Variants in FKRP observed in about 807,000 individuals in gnomAD.
FKRP encodes the protein fukutin related protein.
A neutral mutation model predicts 30.6 loss-of-function variants in FKRP; 25 were observed. The observed-to-expected ratio is 0.82, with a 90% confidence interval of 0.60 to 1.14. The LOEUF is 1.14. FKRP is among the 50% of genes most tolerant of loss of function. The pLI, the probability that FKRP is intolerant of heterozygous loss-of-function variation, is 0.00. For synonymous variants in FKRP, 358 were observed against 342.5 expected (o/e 1.05, Z -0.50); for missense variants, 771 against 727.8 (o/e 1.06, Z -0.68).
Position 46,746,176 on chromosome 19 carries a change from G to T in FKRP, c.-253+86G>T, listed in dbSNP as rs767225114. The T allele has an allele frequency of 3.3e-6, 5 of 1,536,602 alleles. No individual in the cohort carries two copies. In the East Asian group the frequency reaches 8.1e-5, roughly 25 times the overall value. The stretch of plus-strand genomic sequence containing the variant: ...GTAACTCGGCGCGCTCGGCCTCCCA[G>T]CGGGCTTTCTCGGCTTCGAAGCGCG... On this transcript the variant is annotated intron_variant, in intron 1 of 3. Coordinates refer to ENST00000318584, the MANE Select transcript of FKRP (RefSeq NM_024301.5).
rs794727651 is a variant in FKRP at position 46,756,179 on chromosome 19, G to A, written c.729G>A (p.Ala243=). Residue 243 remains alanine (A), a synonymous_variant, in exon 4 of 4, where the codon GCG becomes GCA. Transcript: ENST00000318584. The surrounding 1 kb of genome is among the most constrained non-coding windows in gnomAD (Gnocchi z 6.6). ...TGCTGGACTTGACCTTCGCCGCGGC[G>A]CGCCAGCCCCCGCTGGCCACGGCCC... The part of the protein sequence containing the change: ...VQLLDLTFAA[A]RQPPLATAHA... The A allele has an allele frequency of 1.4e-6, 2 of 1,442,198 alleles. No individual in the cohort carries two copies. Among genetic ancestry groups the A allele is most frequent in the East Asian group, 3.0e-5 (1 of 33,174 alleles). The allele number at this position is 1,442,198 out of a possible 1,614,324, so 89.3% of individuals were successfully genotyped here.
At chr19:46,755,268 G>A (rs1030219560) in intron 3 of FKRP, 144 bp from the exon 4 acceptor site, 20 of 611,732 alleles carry the variant, frequency 3.3e-5, no homozygotes, top group Admixed American at 1.6e-4. Flanking sequence ...GTGCTTCCTG[G>A]AGAAGGGGAA....
Position 46,755,772 on chromosome 19 carries a change from C to T in FKRP, c.322C>T (p.Leu108=). 6.5e-7 allele frequency: 1 copy of T among 1,532,682 alleles called. No homozygotes were observed. The highest frequency in any genetic ancestry group is 8.7e-7 in the Non-Finnish European group (1 of 1,143,858). 94.9% of individuals were successfully genotyped at this position (1,532,682 alleles called of 1,614,324 possible). A position where few individuals can be genotyped will look rare whatever the true frequency, so the allele number is the denominator to read the frequency against. Residue 108 remains leucine (L), a synonymous_variant, in exon 4 of 4, where the codon CTG becomes TTG. Transcript: ENST00000318584. The part of the protein sequence containing the change: ...NVRLALLQPA[L]DRPAAASRPE... ...GCGTCTGGCGCTGCTCCAGCCCGCC[C>T]TGGACCGGCCAGCCGCAGCCTCGCG...
chr19:46,756,457 C>CGG lies in FKRP; in HGVS notation c.1009_1010dup (p.Val338AlafsTer91). On this transcript the variant is annotated frameshift_variant, in exon 4 of 4. Transcript: ENST00000318584. LOFTEE classifies it high-confidence loss of function. The surrounding 1 kb of genome is among the most constrained non-coding windows in gnomAD (Gnocchi z 6.6). ...TATGTGGTGGGCGTGCTGGAGGCTG[C>CGG]GGGCGTGCGCTACTGGCTCGAGGGC... is the stretch of plus-strand genomic sequence containing the variant. 1 of 1,571,454 alleles carries CGG rather than the reference C, an allele frequency of 6.4e-7. No individual in the cohort carries two copies. Among genetic ancestry groups the CGG allele is most frequent in the Non-Finnish European group, 8.6e-7 (1 of 1,159,230 alleles).
At position 46,756,139 on chromosome 19, in the gene FKRP, G is replaced by A. The variant is rs1599936529; in HGVS notation, c.689G>A (p.Gly230Asp). Residue 230 changes from glycine (G) to aspartate (D), a missense_variant, in exon 4 of 4, where the codon GGC becomes GAC. Physicochemically the swap from Gly to Asp is moderately conservative, Grantham distance 94. Coordinates refer to ENST00000318584, the MANE Select transcript of FKRP (RefSeq NM_024301.5). This position sits in a 1 kb window ranked among gnomAD's most constrained non-coding sequence, Gnocchi z 6.6. ...CTCTTTCTGCAGACCGCCCTTCGCG[G>A]CTGGGCGGTGCAGCTGCTGGACTTG... Reference protein sequence around the residue: ...TSLFLQTALRGWAVQLLDLTF... With the variant: ...TSLFLQTALRDWAVQLLDLTF... 2.7e-6 allele frequency: 4 copies of A among 1,480,528 alleles called. No individual in the cohort carries two copies. Among genetic ancestry groups the A allele is most frequent in the Non-Finnish European group, 3.6e-6 (4 of 1,124,612 alleles). The allele number at this position is 1,480,528 out of a possible 1,614,324, so 91.7% of individuals were successfully genotyped here.
intron 1 of FKRP, chr19:46,747,097 GACAC>G (rs1035759760): frequency 6.6e-6 from 1 of 152,374 alleles, no homozygotes; most frequent in Non-Finnish European, 1.5e-5. Context: ...CAGCCCCAAG[GACAC>G]TGATCTCTAA....
rs1175374378 is a variant in FKRP at position 46,749,723 on chromosome 19, C to CAA, written c.-40+1075_-40+1076dup. 6.4e-3 allele frequency among the ~76,000 whole-genome samples: 401 copies of CAA among 62,436 alleles called. 4 individuals are homozygous for CAA. The highest frequency in any genetic ancestry group is 0.019 in the African/African-American group (351 of 18,310). 41.0% of individuals were successfully genotyped at this position (62,436 alleles called of 152,430 possible). On this transcript the variant is annotated intron_variant, in intron 3 of 3. Transcript: ENST00000318584. ...CTGGTGACAAAGCGAGACTCCGTCT[C>CAA]AAAAAAAAAAAAAAAAAAGAGTCTG...
Position 46,757,281 on chromosome 19 carries a change from A to G in FKRP, c.*343A>G, listed in dbSNP as rs1167921016. On this transcript the variant is annotated 3_prime_UTR_variant, in exon 4 of 4. Coordinates refer to ENST00000318584, the MANE Select transcript of FKRP (RefSeq NM_024301.5). ...CAGACCCGAAAAAAGTGTTCTGCCC[A>G]AGATTCCGAGAGCCCTGCGCTCTAG... 1 of 417,400 alleles carries G rather than the reference A, an allele frequency of 2.4e-6. No homozygotes were observed. The highest frequency in any genetic ancestry group is 4.7e-6 in the Non-Finnish European group (1 of 213,884). The allele number at this position is 417,400 out of a possible 1,614,324, so 25.9% of individuals were successfully genotyped here. A position where few individuals can be genotyped will look rare whatever the true frequency, so the allele number is the denominator to read the frequency against.
chr19:46,755,906 C>G lies in FKRP; in HGVS notation c.456C>G (p.Ser152Arg), dbSNP rs199714523. ...ERMVEALRAG[S>R]ARLVAAPVAT... ...TGGTGGAGGCGCTCCGCGCAGGAAG[C>G]GCACGTCTGGTGGCCGCCCCGGTTG... The change falls in exon 4 of 4, where the codon AGC becomes AGG. Residue 152 changes from serine to arginine, a missense_variant. Coordinates refer to ENST00000318584, the MANE Select transcript of FKRP (RefSeq NM_024301.5). 8.8e-4 allele frequency: 1,347 copies of G among 1,523,414 alleles called. 3 individuals are homozygous for G. The highest frequency in any genetic ancestry group is 1.1e-3 in the Non-Finnish European group (1,306 of 1,140,922). The allele number at this position is 1,523,414 out of a possible 1,614,324, so 94.4% of individuals were successfully genotyped here.
In FKRP at chr19:46,746,503, C is replaced by G. The variant is rs200560192; in HGVS notation, c.-253+413C>G. On this transcript the variant is annotated intron_variant, in intron 1 of 3. Coordinates refer to ENST00000318584, the MANE Select transcript of FKRP (RefSeq NM_024301.5). ...CGCGGCCGCGCCAACACCCCCCCCC[C>G]TCCCCCGCCGCAACCACCGCGCGCG... 6.0e-4 allele frequency: 490 copies of G among 821,898 alleles called. 1 individual carries two copies. In the African/African-American group the frequency reaches 6.7e-3, roughly 11 times the overall value. 50.9% of individuals were successfully genotyped at this position (821,898 alleles called of 1,614,324 possible). A position where few individuals can be genotyped will look rare whatever the true frequency, so the allele number is the denominator to read the frequency against.
intron 3 of FKRP, among the ~76,000 whole-genome samples, chr19:46,752,826 C>T (rs1281705721): frequency 3.3e-5 from 5 of 151,846 alleles, no homozygotes; most frequent in African/African-American, 7.3e-5. Flanking sequence ...GATTGCACCA[C>T]TGCACTCAAG....
chr19:46,745,556 A>T (rs114648885), upstream of FKRP, among the ~76,000 whole-genome samples: 1,111 of 151,082 alleles, frequency 7.4e-3, 10 homozygotes, highest in African/African-American at 0.026. Context: ...CTCTCCCTAA[A>T]TCCTCCCGGT....
chr19:46,756,706 C>T lies in FKRP; in HGVS notation c.1256C>T (p.Pro419Leu). ...AACCACTTGCACGTGGACCTGTGGC[C>T]CTTCTACCCCCGCAATGGCGTCATG... ...ESNHLHVDLW[P>L]FYPRNGVMTK... Residue 419 changes from proline to leucine, a missense_variant, in exon 4 of 4, where the codon CCC becomes CTC. Coordinates refer to ENST00000318584, the MANE Select transcript of FKRP (RefSeq NM_024301.5). The surrounding 1 kb of genome is among the most constrained non-coding windows in gnomAD (Gnocchi z 6.6). 6.2e-7 allele frequency: 1 copy of T among 1,612,146 alleles called. No individual in the cohort carries two copies. Among genetic ancestry groups the T allele is most frequent in the Non-Finnish European group, 8.5e-7 (1 of 1,179,264 alleles).
rs1491502518 is a variant in FKRP, at chr19:46,746,494, C to CCCGCGCCAACA, written c.-253+406_-253+407insGCGCCAACACC. 13 of 122,452 alleles carry CCCGCGCCAACA rather than the reference C, an allele frequency of 1.1e-4. No individual in the cohort carries two copies. In the African/African-American group the frequency reaches 2.4e-3, roughly 23 times the overall value. The allele number at this position is 122,452 out of a possible 1,614,324, so 7.6% of individuals were successfully genotyped here. A position where few individuals can be genotyped will look rare whatever the true frequency, so the allele number is the denominator to read the frequency against. On this transcript the variant is annotated intron_variant, in intron 1 of 3. Transcript: ENST00000318584. ...GCGCGCCTGCGCGGCCGCGCCAACA[C>CCCGCGCCAACA]CCCCCCCCCTCCCCCGCCGCAACCA...
At chr19:46,747,161 T>C (rs2054662605) in intron 1 of FKRP, 1 of 152,560 alleles carries the variant, frequency 6.6e-6, no homozygotes, top group Non-Finnish European at 1.5e-5. Context: ...TAGTTGGCAT[T>C]ACCATGGTAA....
Position 46,756,622 on chromosome 19 carries a change from G to C in FKRP, c.1172G>C (p.Gly391Ala). ...GCCGGCTCGGTGGTGGATGAGCGCG[G>C]CTTCGTATGGGAGAAGGCGGTCGAG... ...AEAGSVVDER[G>A]FVWEKAVEGD... Residue 391 changes from glycine (G) to alanine (A), a missense_variant, in exon 4 of 4, where the codon GGC becomes GCC. Coordinates refer to ENST00000318584, the MANE Select transcript of FKRP (RefSeq NM_024301.5). This position sits in a 1 kb window ranked among gnomAD's most constrained non-coding sequence, Gnocchi z 6.6. 6.2e-7 allele frequency: 1 copy of C among 1,612,750 alleles called. No homozygotes were observed. The highest frequency in any genetic ancestry group is 8.5e-7 in the Non-Finnish European group (1 of 1,179,610).
In FKRP at chr19:46,755,700, G is replaced by C; in HGVS notation, c.250G>C (p.Asp84His). The C allele has an allele frequency of 6.3e-7, 1 of 1,582,258 alleles. No individual in the cohort carries two copies. The highest frequency in any genetic ancestry group is 8.5e-7 in the Non-Finnish European group (1 of 1,170,770). Residue 84 changes from aspartate to histidine, a missense_variant, in exon 4 of 4, where the codon GAC becomes CAC. Physicochemically the swap from Asp to His is moderately conservative, Grantham distance 81. Coordinates refer to ENST00000318584, the MANE Select transcript of FKRP (RefSeq NM_024301.5). Reference protein sequence around the residue: ...DPAQPVVVAADTLPYPPLALP... With the variant: ...DPAQPVVVAAHTLPYPPLALP... The stretch of plus-strand genomic sequence containing the variant: ...AGCCCAGCCCGTGGTGGTGGCAGCC[G>C]ACACGCTCCCCTACCCGCCCCTGGC...
chr19:46,758,290 C>A lies in FKRP; in HGVS notation c.*1352C>A, dbSNP rs2122647194. The A allele has an allele frequency of 6.0e-6, 1 of 167,168 alleles. No homozygotes were observed. The highest frequency in any genetic ancestry group is 1.5e-5 in the Non-Finnish European group (1 of 68,106). The allele number at this position is 167,168 out of a possible 1,614,324, so 10.4% of individuals were successfully genotyped here. On this transcript the variant is annotated 3_prime_UTR_variant, in exon 4 of 4. Coordinates refer to ENST00000318584, the MANE Select transcript of FKRP (RefSeq NM_024301.5). The stretch of plus-strand genomic sequence containing the variant: ...CTTACCCACTATGCCCCTCTCTAGT[C>A]ATGGTCCCCAAGAGGGGCTTGGAGA...
At chr19:46,751,266 G>A (rs2054786455) in intron 3 of FKRP, among the ~76,000 whole-genome samples, 1 of 152,024 alleles carries the variant, frequency 6.6e-6, no homozygotes, top group African/African-American at 2.4e-5. Flanking sequence ...ATCTTACTAT[G>A]TTGTCCAGGC....
Sources: allele counts gnomAD v4.1 joint callset (sites outside exome capture counted in the v4.1 genomes callset), GRCh38; gene constraint gnomAD v4.1.1; non-coding constraint Gnocchi (gnomAD v3.1); transcripts MANE v1.5; gene names NCBI Gene and HGNC (gene_info 2026-07-23, HGNC 2026-07-21).